The following RSRC1 variants were observed in gnomAD, a reference collection of about 807,000 sequenced individuals.
RSRC1 encodes the protein arginine and serine rich coiled-coil 1, also known as serine/Arginine-related protein 53.
In RSRC1, 39 loss-of-function variants were observed where a neutral mutation model predicts 49.1. That is an observed-to-expected ratio of 0.79 (90% CI 0.61 to 1.04). The LOEUF (loss-of-function observed/expected upper bound fraction) is 1.04. Among genes scored for constraint, RSRC1 ranks in the 50% least tolerant of loss-of-function variants. The probability of loss-of-function intolerance (pLI) is 0.00; values close to 1 mark genes in which losing one functional copy is unlikely to be tolerated. For synonymous variants in RSRC1, 143 were observed against 130.8 expected, an observed-to-expected ratio of 1.09 and a Z score of -0.63; for missense variants, 388 against 402.4, an observed-to-expected ratio of 0.96 and a Z score of 0.31.
At chr3:158,403,474 G>A (rs1002703003) in intron 6 of RSRC1, among the ~76,000 whole-genome samples, 5 of 151,630 alleles carry the variant, frequency 3.3e-5, no homozygotes, top group South Asian at 2.1e-4. Context: ...ATTTAGAAGT[G>A]AATTCTGTAA....
chr3:158,491,830 C>G (rs1353043457), intron 7 of RSRC1, among the ~76,000 whole-genome samples: 2 of 152,094 alleles, frequency 1.3e-5, no homozygotes, highest in Admixed American at 6.5e-5. Context: ...AGTGGAATGT[C>G]ATTTATCCAG....
chr3:158,321,294 C>CTCCTCTTCT (rs966821401), intron 5 of RSRC1, among the ~76,000 whole-genome samples: 1 of 150,856 alleles, frequency 6.6e-6, no homozygotes, highest in Non-Finnish European at 1.5e-5. Flanking sequence ...CCTCCTCCTC[C>CTCCTCTTCT]TCCTCTTCTT....
At chr3:158,466,200 T>G (rs1037468362) in intron 7 of RSRC1, among the ~76,000 whole-genome samples, 1 of 152,188 alleles carries the variant, frequency 6.6e-6, no homozygotes, top group African/African-American at 2.4e-5. Flanking sequence ...CTTCCTTATT[T>G]TCGTAATAGC....
At chr3:158,517,580 A>G (rs1200357289) in intron 7 of RSRC1, among the ~76,000 whole-genome samples, 6 of 143,586 alleles carry the variant, frequency 4.2e-5, no homozygotes, top group African/African-American at 1.6e-4. Context: ...TCAAGTAAAT[A>G]GTAAGTTTTG....
intron 4 of RSRC1, among the ~76,000 whole-genome samples, chr3:158,207,988 T>C (rs946343725): frequency 3.3e-5 from 5 of 152,136 alleles, no homozygotes; most frequent in African/African-American, 7.2e-5. Flanking sequence ...GCCTGCTAAT[T>C]TTATTTATCT....
At chr3:158,280,128 G>A (rs1348051827) in intron 4 of RSRC1, among the ~76,000 whole-genome samples, 3 of 152,062 alleles carry the variant, frequency 2.0e-5, no homozygotes, top group Non-Finnish European at 4.4e-5. Flanking sequence ...TATAATTCAT[G>A]TCATCCTATA....
At chr3:158,399,215 C>T (rs1178508933) in intron 6 of RSRC1, among the ~76,000 whole-genome samples, 1 of 25,784 alleles carries the variant, frequency 3.9e-5, no homozygotes, top group Non-Finnish European at 6.9e-5. Flanking sequence ...AGTGCAGTGG[C>T]GGGATCTCGG....
At chr3:158,533,344 C>T (rs552380746) in intron 7 of RSRC1, among the ~76,000 whole-genome samples, 1 of 151,770 alleles carries the variant, frequency 6.6e-6, no homozygotes, top group Non-Finnish European at 1.5e-5. Context: ...TGCTCTGTCA[C>T]TTTGTTAGTT....
At chr3:158,506,382 C>A (rs1739861030) in intron 7 of RSRC1, among the ~76,000 whole-genome samples, 1 of 151,978 alleles carries the variant, frequency 6.6e-6, no homozygotes, top group African/African-American at 2.4e-5. Context: ...TTGAGGCCAG[C>A]ATGGTCAATG....
intron 7 of RSRC1, among the ~76,000 whole-genome samples, chr3:158,470,357 C>CAT (rs1397429366): frequency 2.1e-3 from 271 of 128,770 alleles, no homozygotes; most frequent in Middle Eastern, 4.2e-3. Flanking sequence ...CACACACACA[C>CAT]ACACATATAT....
At chr3:158,444,129 T>C (rs1439975895) in intron 6 of RSRC1, among the ~76,000 whole-genome samples, 1 of 151,966 alleles carries the variant, frequency 6.6e-6, no homozygotes, top group East Asian at 1.9e-4. Flanking sequence ...ATTACCAAAA[T>C]GTGTCTTCAC....
chr3:158,184,202 T>C (rs1396222603), intron 3 of RSRC1, among the ~76,000 whole-genome samples: 2 of 152,120 alleles, frequency 1.3e-5, no homozygotes, highest in Non-Finnish European at 2.9e-5. Flanking sequence ...CTTTGTTTCT[T>C]CTTGCCTCAT....
intron 5 of RSRC1, among the ~76,000 whole-genome samples, chr3:158,316,869 T>G (rs1159019818): frequency 6.6e-6 from 1 of 152,218 alleles, no homozygotes; most frequent in African/African-American, 2.4e-5. Context: ...GTGCTTAATT[T>G]ACCTTAGCAA....
intron 5 of RSRC1, among the ~76,000 whole-genome samples, chr3:158,337,025 T>TG (rs1729940841): frequency 6.6e-6 from 1 of 152,176 alleles, no homozygotes; most frequent in Non-Finnish European, 1.5e-5. Context: ...TTAACTGGCA[T>TG]GGATAGGACC....
intron 6 of RSRC1, among the ~76,000 whole-genome samples, chr3:158,414,701 G>A (rs1039294333): frequency 5.9e-5 from 9 of 151,744 alleles, no homozygotes; most frequent in African/African-American, 2.2e-4. Context: ...CAACCTGGGT[G>A]ACAAAGTAAG....
At chr3:158,150,713 T>C (rs1290026156) in intron 3 of RSRC1, among the ~76,000 whole-genome samples, 1 of 152,152 alleles carries the variant, frequency 6.6e-6, no homozygotes, top group East Asian at 1.9e-4. Flanking sequence ...GGAGCTAGAA[T>C]TGATCTTTAA....
intron 5 of RSRC1, among the ~76,000 whole-genome samples, chr3:158,310,446 A>T (rs918474557): frequency 8.6e-5 from 13 of 151,896 alleles, no homozygotes; most frequent in African/African-American, 3.1e-4. Context: ...TCAATTTTTT[A>T]AATTGGTTTA....
At chr3:158,216,502 T>C (rs1284145981) in intron 4 of RSRC1, among the ~76,000 whole-genome samples, 1 of 151,754 alleles carries the variant, frequency 6.6e-6, no homozygotes, top group Admixed American at 6.6e-5. Flanking sequence ...TATTTTGTAG[T>C]CTATGACTTT....
chr3:158,412,194 A>G (rs1436563388), intron 6 of RSRC1, among the ~76,000 whole-genome samples: 1 of 152,112 alleles, frequency 6.6e-6, no homozygotes, highest in Admixed American at 6.6e-5. Flanking sequence ...CTAGCTCATA[A>G]AACACTTTAG....
Sources: allele counts gnomAD v4.1 joint callset (sites outside exome capture counted in the v4.1 genomes callset), GRCh38; gene constraint gnomAD v4.1.1; transcripts MANE v1.5; gene names NCBI Gene and HGNC (gene_info 2026-07-23, HGNC 2026-07-21).